PTK2: variants seen among roughly 807,000 people sequenced by gnomAD.
The protein encoded by PTK2 is protein tyrosine kinase 2.
A neutral mutation model predicts 150.1 loss-of-function variants in PTK2; 45 were observed. The observed-to-expected ratio is 0.30, with a 90% CI of 0.24 to 0.38. The LOEUF (loss-of-function observed/expected upper bound fraction) is 0.38. PTK2 is among the 10% of genes least tolerant of loss of function. The pLI is 1.00. For synonymous variants in PTK2, 432 were observed against 449.2 expected, an observed-to-expected ratio of 0.96 and a Z score of 0.48; for missense variants, 919 against 1,307.3, an observed-to-expected ratio of 0.70 and a Z score of 4.58.
intron 3 of PTK2, among the ~76,000 whole-genome samples, chr8:140,884,987 T>C (rs1012793026): frequency 1.3e-5 from 2 of 152,308 alleles, no homozygotes; most frequent in East Asian, 1.9e-4. Flanking sequence ...AAAAGTTCAA[T>C]GTACCAGTCA....
At chr8:140,967,358 G>A (rs1409287485) in intron 1 of PTK2, among the ~76,000 whole-genome samples, 2 of 152,104 alleles carry the variant, frequency 1.3e-5, no homozygotes, top group South Asian at 4.1e-4. Flanking sequence ...AAGTTATCTG[G>A]CTGGAATTAA....
At chr8:140,995,471 G>A (rs904644632) in intron 1 of PTK2, among the ~76,000 whole-genome samples, 50 of 151,570 alleles carry the variant, frequency 3.3e-4, no homozygotes, top group Admixed American at 7.9e-4. Flanking sequence ...ACTTTAAATC[G>A]AAAGCTAGAA....
At chr8:140,718,377 A>G (rs2100040926) in intron 22 of PTK2, 1 of 152,202 alleles carries the variant, frequency 6.6e-6, no homozygotes, top group Admixed American at 6.5e-5. Context: ...CGCTGCAGCG[A>G]CTGCTAGGCA....
chr8:140,962,263 A>AGAAGGGAGGGAGGAAGGGAGGGAG (rs71310807), intron 1 of PTK2, among the ~76,000 whole-genome samples: 1 of 127,508 alleles, frequency 7.8e-6, no homozygotes. Context: ...GAGGAAGGGA[A>AGAAGGGAGGGAGGAAGGGAGGGAG]GAAGGGAGGG....
chr8:140,767,676 A>G (rs4961291), intron 14 of PTK2, among the ~76,000 whole-genome samples: 89,588 of 151,882 alleles, frequency 0.59, 28,273 homozygotes, highest in African/African-American at 0.81. Context: ...TGTAGAGATG[A>G]GGTTTTGCCA....
Position 140,897,138 on chromosome 8 carries a change from G to A in PTK2, c.-32-6369C>T, listed in dbSNP as rs540786241. Reference sequence around the variant, plus strand: ...AAAAAACACTACTTGGAATAAATACGGAGTATGTCGGGGGAGAAGCTAAAC... The same window carrying A: ...AAAAAACACTACTTGGAATAAATACAGAGTATGTCGGGGGAGAAGCTAAAC... On this transcript the variant is annotated intron_variant, in intron 2 of 31. Coordinates refer to ENST00000522684, the Ensembl canonical transcript of PTK2. Among the ~76,000 whole-genome samples, 6 of 152,212 alleles carry A rather than the reference G, an allele frequency of 3.9e-5. No individual in the cohort carries two copies. In the South Asian group the frequency reaches 6.2e-4, roughly 16 times the overall value.
At chr8:140,951,634 G>T (rs1217334081) in intron 1 of PTK2, among the ~76,000 whole-genome samples, 1 of 152,200 alleles carries the variant, frequency 6.6e-6, no homozygotes, top group Non-Finnish European at 1.5e-5. Context: ...TATAATCCCA[G>T]CATTCTGGAA....
At chr8:140,708,268 T>C (rs1468846726) in intron 23 of PTK2, among the ~76,000 whole-genome samples, 1 of 152,044 alleles carries the variant, frequency 6.6e-6, no homozygotes, top group African/African-American at 2.4e-5. Flanking sequence ...AGGTCCGGAG[T>C]ATGTTTTGGT....
chr8:140,764,445 C>A, intron 14 of PTK2, 155 bp from the exon 17 acceptor site: 3 of 610,718 alleles, frequency 4.9e-6, no homozygotes, highest in Middle Eastern at 4.2e-4. Context: ...ACACATGAGT[C>A]ATTTATGGAA....
chr8:140,760,039 T>C (rs1046163500), intron 16 of PTK2, among the ~76,000 whole-genome samples: 3 of 151,966 alleles, frequency 2.0e-5, no homozygotes, highest in Non-Finnish European at 2.9e-5. Context: ...CTGGCCAACA[T>C]GGTGAAACCC....
chr8:140,987,742 C>T (rs2100193859), intron 1 of PTK2, among the ~76,000 whole-genome samples: 1 of 152,142 alleles, frequency 6.6e-6, no homozygotes, highest in African/African-American at 2.4e-5. Flanking sequence ...GATAGTTTGG[C>T]ACTTTAAGAA....
chr8:140,879,334 T>C, intron 4 of PTK2, 137 bp downstream of exon 4: 2 of 892,452 alleles, frequency 2.2e-6, no homozygotes, highest in South Asian at 2.3e-5. Flanking sequence ...TAATAATTAC[T>C]AACGAATTTT....
At chr8:140,711,231 C>T (rs1206051488) in intron 23 of PTK2, among the ~76,000 whole-genome samples, 3 of 152,238 alleles carry the variant, frequency 2.0e-5, no homozygotes, top group Non-Finnish European at 4.4e-5. Context: ...CTCAGCCTCC[C>T]AAATAGCTGG....
intron 1 of PTK2, among the ~76,000 whole-genome samples, chr8:140,931,519 T>C (rs2100171761): frequency 1.3e-5 from 2 of 152,128 alleles, no homozygotes; most frequent in East Asian, 1.9e-4. Context: ...TGAGCCATGA[T>C]TGTGCCAATG....
In PTK2 at chr8:140,678,328, G is replaced by A. The variant is rs189225938; in HGVS notation, c.2563-2829C>T. 4.6e-5 allele frequency among the ~76,000 whole-genome samples: 7 copies of A among 152,264 alleles called. No individual in the cohort carries two copies. In the South Asian group the frequency reaches 1.2e-3, roughly 27 times the overall value. On this transcript the variant is annotated intron_variant, in intron 27 of 31. Transcript: ENST00000522684. ...CTCCCAAAGTGTTGGGATTACAGGC[G>A]TGAGCCACTGCGCCTGGCCCTTATT...
chr8:140,717,121 AC>A (rs1427677496), intron 23 of PTK2, among the ~76,000 whole-genome samples: 5 of 152,140 alleles, frequency 3.3e-5, no homozygotes, highest in African/African-American at 1.2e-4. Flanking sequence ...CCAACAAACA[AC>A]CCAGCCACCA....
At chr8:140,868,050 C>T (rs1057335259) in intron 4 of PTK2, among the ~76,000 whole-genome samples, 6 of 152,316 alleles carry the variant, frequency 3.9e-5, no homozygotes, top group Admixed American at 2.0e-4. Flanking sequence ...ATCATTCTTT[C>T]GTTCCTACTC....
intron 10 of PTK2, among the ~76,000 whole-genome samples, chr8:140,812,964 C>G (rs140619499): frequency 6.6e-6 from 1 of 152,044 alleles, no homozygotes; most frequent in African/African-American, 2.4e-5. Context: ...GACAATATTA[C>G]GTAGATCACT....
At position 140,830,452 on chromosome 8, in the gene PTK2, A is replaced by T; in HGVS notation, c.648+20T>A. 1 of 1,482,216 alleles carries T rather than the reference A, an allele frequency of 6.7e-7. No individual in the cohort carries two copies. The highest frequency in any genetic ancestry group is 9.2e-7 in the Non-Finnish European group (1 of 1,090,204). The allele number at this position is 1,482,216 out of a possible 1,614,324, so 91.8% of individuals were successfully genotyped here. On this transcript the variant is annotated intron_variant, in intron 8 of 31. Transcript: ENST00000522684. The stretch of plus-strand genomic sequence containing the variant: ...GGCATAATTTTGTTATTTTATTATG[A>T]TAAAGGAGACTCTAATTACCTTGAC...
Sources: gnomAD v4.1 joint callset for allele counts (sites outside exome capture counted in the v4.1 genomes callset) on GRCh38, gnomAD v4.1.1 for gene constraint, MANE v1.5 for transcripts, NCBI Gene and HGNC (gene_info 2026-07-23, HGNC 2026-07-21) for gene names.